The following RSRC1 variants were observed in gnomAD, a reference collection of about 807,000 sequenced individuals.
RSRC1 encodes serine/Arginine-related protein 53.
In RSRC1, 39 loss-of-function variants were observed where a neutral mutation model predicts 49.1. The ratio of observed to expected loss-of-function variants is 0.79; its 90% CI spans 0.61 to 1.04. The LOEUF is 1.04. Among genes scored for constraint, RSRC1 ranks in the 50% least tolerant of loss-of-function variants. RSRC1 has a pLI of 0.00. For missense variants in RSRC1, 388 were observed against 402.4 expected, an observed-to-expected ratio of 0.96 and a Z score of 0.31; for synonymous variants, 143 against 130.8, an observed-to-expected ratio of 1.09 and a Z score of -0.63.
chr3:158,489,386 A>G (rs1347503157), intron 7 of RSRC1, among the ~76,000 whole-genome samples: 2 of 152,216 alleles, frequency 1.3e-5, no homozygotes, highest in Non-Finnish European at 2.9e-5. Context: ...GGCTGGCTCA[A>G]CCACCTGGTG....
At chr3:158,263,560 C>T (rs1001570850) in intron 4 of RSRC1, among the ~76,000 whole-genome samples, 2 of 152,028 alleles carry the variant, frequency 1.3e-5, no homozygotes, top group Non-Finnish European at 2.9e-5. Flanking sequence ...GAAATATTTC[C>T]TTTTCAGTTT....
At chr3:158,255,813 T>C (rs755370255) in intron 4 of RSRC1, among the ~76,000 whole-genome samples, 1 of 152,186 alleles carries the variant, frequency 6.6e-6, no homozygotes, top group South Asian at 2.1e-4. Context: ...ACTCTCTTTG[T>C]AGCAATTGTG....
chr3:158,536,580 T>C (rs956825522), intron 7 of RSRC1, among the ~76,000 whole-genome samples: 1 of 151,570 alleles, frequency 6.6e-6, no homozygotes, highest in African/African-American at 2.4e-5. Context: ...ATTGTCAAGT[T>C]ACTGTTTGTC....
chr3:158,404,049 T>G (rs1734027160), intron 6 of RSRC1, among the ~76,000 whole-genome samples: 1 of 151,910 alleles, frequency 6.6e-6, no homozygotes, highest in Non-Finnish European at 1.5e-5. Context: ...TAAACATTTT[T>G]CTTTAAAGAC....
chr3:158,445,610 A>G (rs549712388), intron 6 of RSRC1, among the ~76,000 whole-genome samples: 2 of 152,074 alleles, frequency 1.3e-5, no homozygotes, highest in Non-Finnish European at 2.9e-5. Context: ...ATATGTAACA[A>G]ACCTGCATGT....
intron 6 of RSRC1, among the ~76,000 whole-genome samples, chr3:158,396,389 A>G (rs567998186): frequency 6.8e-6 from 1 of 145,998 alleles, no homozygotes; most frequent in South Asian, 2.2e-4. Flanking sequence ...GGTGATGGGC[A>G]ATGTTTTTTT....
chr3:158,303,992 G>T (rs1727710799), intron 5 of RSRC1, among the ~76,000 whole-genome samples: 1 of 152,086 alleles, frequency 6.6e-6, no homozygotes, highest in African/African-American at 2.4e-5. Flanking sequence ...AGTGGGATTT[G>T]TTTTCTATTA....
intron 3 of RSRC1, among the ~76,000 whole-genome samples, chr3:158,172,324 A>G (rs1217836004): frequency 1.3e-5 from 2 of 152,202 alleles, no homozygotes; most frequent in Non-Finnish European, 2.9e-5. Flanking sequence ...CAATTTTACC[A>G]TTAAATGAAA....
chr3:158,527,963 G>A (rs1712147705), intron 7 of RSRC1, among the ~76,000 whole-genome samples: 2 of 151,672 alleles, frequency 1.3e-5, no homozygotes, highest in African/African-American at 2.4e-5. Flanking sequence ...TTATATTAAT[G>A]TGTGTATTTT....
chr3:158,439,669 TG>T (rs1289822972), intron 6 of RSRC1, among the ~76,000 whole-genome samples: 6 of 151,472 alleles, frequency 4.0e-5, no homozygotes, highest in Non-Finnish European at 8.8e-5. Context: ...TGTTGTGGGG[TG>T]GGGGGCTAGG....
intron 7 of RSRC1, among the ~76,000 whole-genome samples, chr3:158,518,780 C>G (rs1711503935): frequency 6.6e-6 from 1 of 152,002 alleles, no homozygotes; most frequent in Non-Finnish European, 1.5e-5. Flanking sequence ...CTGGAAACAC[C>G]CTCTTTTTCA....
At chr3:158,526,243 A>C (rs1026555013) in intron 7 of RSRC1, among the ~76,000 whole-genome samples, 4 of 151,986 alleles carry the variant, frequency 2.6e-5, no homozygotes, top group African/African-American at 7.2e-5. Flanking sequence ...AAATTGATAA[A>C]ATAAGCACGT....
intron 1 of RSRC1, among the ~76,000 whole-genome samples, chr3:158,114,340 T>G (rs1024973170): frequency 1.1e-4 from 16 of 152,214 alleles, no homozygotes; most frequent in African/African-American, 3.9e-4. Context: ...TTGTCTATTC[T>G]GTTCCATTGG....
intron 6 of RSRC1, among the ~76,000 whole-genome samples, chr3:158,396,118 A>C: frequency 6.6e-6 from 1 of 152,256 alleles, no homozygotes; most frequent in South Asian, 2.1e-4. Flanking sequence ...CTCACTTATA[A>C]GTTGGAGCTA....
At chr3:158,543,860 A>T (rs1713180748) in intron 9 of RSRC1, among the ~76,000 whole-genome samples, 1 of 152,124 alleles carries the variant, frequency 6.6e-6, no homozygotes, top group African/African-American at 2.4e-5. Flanking sequence ...CAGTGAGCAC[A>T]TCACTAACAT....
chr3:158,153,990 C>T (rs1717702342), intron 3 of RSRC1, among the ~76,000 whole-genome samples: 1 of 152,036 alleles, frequency 6.6e-6, no homozygotes, highest in South Asian at 2.1e-4. Context: ...CCCAATAAAA[C>T]TCCAAATTTA....
rs564064424 is a variant in RSRC1 at position 158,425,320 on chromosome 3, C to T, written c.584-35615C>T. Among the ~76,000 whole-genome samples the T allele has an allele frequency of 7.2e-5, 11 of 152,170 alleles. No individual in the cohort carries two copies. The East Asian group carries it at 9.7e-4, about 13-fold the overall frequency. On this transcript the variant is annotated intron_variant, in intron 6 of 9. Transcript: ENST00000611884. ...ATTTCAAAGAACATCTTTATTTCTGCCTTCATTTCGTTATGTACCCAGTAG... is the reference window on the plus strand; with the variant it reads ...ATTTCAAAGAACATCTTTATTTCTGTCTTCATTTCGTTATGTACCCAGTAG...
intron 7 of RSRC1, among the ~76,000 whole-genome samples, chr3:158,461,877 T>C (rs1737633416): frequency 6.6e-6 from 1 of 151,136 alleles, no homozygotes. Flanking sequence ...TGTTTTATTG[T>C]AACAACCAGA....
rs200586882 is a variant in RSRC1 at position 158,511,946 on chromosome 3, C to T, written c.653-25146C>T. On this transcript the variant is annotated intron_variant, in intron 7 of 9. Transcript: ENST00000611884. ...CTTTTGAGAAGTGTCTGTTCATGTC[C>T]TTCGCCCACTTTTTGATGGGGTTGT... Among the ~76,000 whole-genome samples, 2,532 of 151,844 alleles carry T rather than the reference C, an allele frequency of 0.017. 224 individuals carry two copies. In the East Asian group the frequency reaches 0.24, roughly 14 times the overall value.
Sources: gnomAD v4.1 joint callset for allele counts (sites outside exome capture counted in the v4.1 genomes callset) on GRCh38, gnomAD v4.1.1 for gene constraint, MANE v1.5 for transcripts, NCBI Gene and HGNC (gene_info 2026-07-23, HGNC 2026-07-21) for gene names.